DIS3L2: variants seen among roughly 807,000 people sequenced by gnomAD.
DIS3L2 encodes the protein DIS3-like exonuclease 2.
DIS3L2 carries 34 observed loss-of-function variants against 97.5 expected under a neutral mutation model. That is an observed-to-expected ratio of 0.35 (90% CI 0.27 to 0.46). DIS3L2 has a LOEUF of 0.46. Among genes scored for constraint, DIS3L2 ranks in the 20% least tolerant of loss-of-function variants. The pLI is 1.00. For synonymous variants in DIS3L2, 435 were observed against 445.2 expected (o/e 0.98, Z 0.29); for missense variants, 1,038 against 1,146.0 (o/e 0.91, Z 1.36).
At chr2:232,334,331 C>A (rs754244324) in intron 17 of DIS3L2, 38 bp from the exon 18 acceptor site, 4 of 1,606,956 alleles carry the variant, frequency 2.5e-6, no homozygotes, top group Admixed American at 3.4e-5. Context: ...TCCCAGCCCC[C>A]CAGGCTCCCA....
At chr2:232,213,965 A>G (rs1692265430) in intron 10 of DIS3L2, among the ~76,000 whole-genome samples, 1 of 152,164 alleles carries the variant, frequency 6.6e-6, no homozygotes, top group African/African-American at 2.4e-5. Context: ...AAGGGATTCT[A>G]CTGGTTTCCA....
intron 12 of DIS3L2, among the ~76,000 whole-genome samples, chr2:232,254,987 G>C (rs1693520561): frequency 6.6e-6 from 1 of 152,228 alleles, no homozygotes; most frequent in Non-Finnish European, 1.5e-5. Flanking sequence ...AGGTAGACCT[G>C]GTTGGTTAGT....
intron 10 of DIS3L2, among the ~76,000 whole-genome samples, chr2:232,228,534 C>G (rs540983857): frequency 6.6e-6 from 1 of 152,186 alleles, no homozygotes; most frequent in South Asian, 2.1e-4. Flanking sequence ...GGAGTATGCC[C>G]AGTTCTCTGC....
chr2:232,000,663 T>TTTCCTTTCCTTTCCTTTCCTTTCCTTTC (rs1559529200), intron 1 of DIS3L2, among the ~76,000 whole-genome samples: 1 of 23,168 alleles, frequency 4.3e-5, no homozygotes, highest in Non-Finnish European at 8.2e-5. Context: ...CTTTCCTTTC[T>TTTCCTTTCCTTTCCTTTCCTTTCCTTTC]CTTTCTCTCT....
intron 13 of DIS3L2, among the ~76,000 whole-genome samples, chr2:232,272,796 C>T (rs575340487): frequency 2.6e-5 from 4 of 152,178 alleles, no homozygotes; most frequent in African/African-American, 9.7e-5. Flanking sequence ...GGCCCTTGTG[C>T]GACCTTCTCT....
At chr2:232,005,546 A>G (rs1043186086) in intron 1 of DIS3L2, among the ~76,000 whole-genome samples, 1 of 152,132 alleles carries the variant, frequency 6.6e-6, no homozygotes, top group Non-Finnish European at 1.5e-5. Flanking sequence ...CCTTGGGACA[A>G]AACTTCTATT....
intron 14 of DIS3L2, 28 bp from the exon 15 acceptor site, chr2:232,329,785 T>TCCCGGGGGGGGGCC: frequency 7.3e-5 from 71 of 967,112 alleles, no homozygotes; most frequent in Non-Finnish European, 9.0e-5. Flanking sequence ...ACCCCAGCGG[T>TCCCGGGGGGGGGCC]CCCTCCCATC....
intron 11 of DIS3L2, among the ~76,000 whole-genome samples, chr2:232,247,618 G>GT (rs1559173575): frequency 8.5e-4 from 27 of 31,750 alleles, no homozygotes; most frequent in South Asian, 2.5e-3. Flanking sequence ...AACTGCCGCG[G>GT]GGGGGGGGGG....
intron 12 of DIS3L2, among the ~76,000 whole-genome samples, chr2:232,258,392 G>A (rs1373555844): frequency 6.6e-6 from 1 of 152,064 alleles, no homozygotes; most frequent in African/African-American, 2.4e-5. Context: ...AGACCATCCT[G>A]GCCAACATGG....
intron 5 of DIS3L2, among the ~76,000 whole-genome samples, chr2:232,075,542 T>C (rs1218763456): frequency 6.6e-6 from 1 of 152,202 alleles, no homozygotes. Flanking sequence ...TGTCAACCCA[T>C]ATTATGGGTA....
chr2:232,145,270 A>G (rs1208186556), intron 8 of DIS3L2, among the ~76,000 whole-genome samples: 1 of 152,108 alleles, frequency 6.6e-6, no homozygotes, highest in Non-Finnish European at 1.5e-5. Context: ...CCTGTTATTA[A>G]TGGTATCTTC....
At chr2:232,315,872 A>G (rs1304905387) in intron 14 of DIS3L2, among the ~76,000 whole-genome samples, 1 of 152,022 alleles carries the variant, frequency 6.6e-6, no homozygotes, top group South Asian at 2.1e-4. Context: ...AACAACATAG[A>G]TCATTCCACT....
chr2:232,110,687 G>T (rs923177423), intron 6 of DIS3L2, among the ~76,000 whole-genome samples: 1 of 152,102 alleles, frequency 6.6e-6, no homozygotes. Context: ...AATACACACC[G>T]GGGCCTGTCA....
intron 6 of DIS3L2, among the ~76,000 whole-genome samples, chr2:232,127,604 A>G (rs1398565004): frequency 3.3e-5 from 5 of 151,912 alleles, no homozygotes; most frequent in African/African-American, 1.2e-4. Context: ...CAGAATCCTT[A>G]CCCATCTTGC....
intron 1 of DIS3L2, among the ~76,000 whole-genome samples, chr2:232,002,898 A>G (rs1693950062): frequency 6.6e-6 from 1 of 152,186 alleles, no homozygotes; most frequent in African/African-American, 2.4e-5. Flanking sequence ...AAAAGGAAAC[A>G]TACCATAGAT....
intron 9 of DIS3L2, among the ~76,000 whole-genome samples, chr2:232,177,075 G>A (rs1281894208): frequency 6.8e-5 from 10 of 146,328 alleles, no homozygotes; most frequent in African/African-American, 1.5e-4. Context: ...TTGTTCTTGC[G>A]ATAGTTTACT....
At chr2:232,279,020 C>T (rs1457329823) in intron 13 of DIS3L2, among the ~76,000 whole-genome samples, 7 of 152,168 alleles carry the variant, frequency 4.6e-5, no homozygotes, top group African/African-American at 1.4e-4. Flanking sequence ...TCACTGCAAC[C>T]TCCGCCTCCT....
At chr2:232,010,476 A>G (rs1312264562) in intron 1 of DIS3L2, among the ~76,000 whole-genome samples, 1 of 151,978 alleles carries the variant, frequency 6.6e-6, no homozygotes, top group Non-Finnish European at 1.5e-5. Flanking sequence ...TGTAATATAA[A>G]TGGTTTATTT....
intron 8 of DIS3L2, among the ~76,000 whole-genome samples, chr2:232,141,801 C>T (rs1373742633): frequency 6.6e-6 from 1 of 152,136 alleles, no homozygotes; most frequent in African/African-American, 2.4e-5. Context: ...TTTATTGACC[C>T]ATGGAAGCAA....
Sources: gnomAD v4.1 joint callset for allele counts (sites outside exome capture counted in the v4.1 genomes callset) on GRCh38, gnomAD v4.1.1 for gene constraint, MANE v1.5 for transcripts, NCBI Gene and HGNC (gene_info 2026-07-23, HGNC 2026-07-21) for gene names.